The following MDGA2 variants were observed in gnomAD, a reference collection of about 807,000 sequenced individuals.
MDGA2 encodes the protein MAM domain-containing glycosylphosphatidylinositol anchor protein 2.
MDGA2 carries 40 observed loss-of-function variants against 117.8 expected under a neutral mutation model. That is an observed-to-expected ratio of 0.34 (90% CI 0.26 to 0.44). The LOEUF (loss-of-function observed/expected upper bound fraction) is 0.44. Ranked by LOEUF, MDGA2 falls within the 20% of genes least tolerant of loss-of-function variation. MDGA2 has a pLI of 1.00. For synonymous variants in MDGA2, 452 were observed against 439.0 expected (o/e 1.03, Z -0.37); for missense variants, 1,123 against 1,250.6 (o/e 0.90, Z 1.54).
At chr14:47,673,487 G>A (rs1238456849) in intron 1 of MDGA2, among the ~76,000 whole-genome samples, 1 of 152,182 alleles carries the variant, frequency 6.6e-6, no homozygotes, top group Non-Finnish European at 1.5e-5. Flanking sequence ...GACCGGCTGT[G>A]GGCGGGTCTT....
At chr14:47,329,531 G>C (rs1347423570) in intron 1 of MDGA2, among the ~76,000 whole-genome samples, 1 of 151,964 alleles carries the variant, frequency 6.6e-6, no homozygotes, top group African/African-American at 2.4e-5. Context: ...TGAGCATATC[G>C]CTTTTCTGTA....
At chr14:47,476,944 C>T (rs1317843921) in intron 1 of MDGA2, among the ~76,000 whole-genome samples, 5 of 151,902 alleles carry the variant, frequency 3.3e-5, no homozygotes, top group South Asian at 2.1e-4. Flanking sequence ...GGTGTATCAC[C>T]GGAGGTCAGG....
chr14:47,638,980 C>A (rs1897372418), intron 1 of MDGA2, among the ~76,000 whole-genome samples: 1 of 152,088 alleles, frequency 6.6e-6, no homozygotes, highest in Non-Finnish European at 1.5e-5. Flanking sequence ...ACATTAGGGT[C>A]TTGGCAGTCA....
At chr14:47,417,905 G>A (rs1168381078) in intron 1 of MDGA2, among the ~76,000 whole-genome samples, 4 of 151,880 alleles carry the variant, frequency 2.6e-5, no homozygotes, top group Admixed American at 6.6e-5. Context: ...ATAGAAGTGG[G>A]TTCTTGCTAT....
At chr14:47,072,383 G>GA (rs1156522807) in intron 6 of MDGA2, among the ~76,000 whole-genome samples, 1 of 152,170 alleles carries the variant, frequency 6.6e-6, no homozygotes, top group African/African-American at 2.4e-5. Flanking sequence ...ATTTCTTAGA[G>GA]ACTTGTTGGA....
At chr14:46,977,674 C>A (rs1886516952) in intron 8 of MDGA2, among the ~76,000 whole-genome samples, 1 of 151,810 alleles carries the variant, frequency 6.6e-6, no homozygotes, top group South Asian at 2.1e-4. Flanking sequence ...AATAGTTTGA[C>A]AAATGCAATA....
At chr14:47,317,037 AGT>A (rs1416141327) in intron 1 of MDGA2, among the ~76,000 whole-genome samples, 2 of 152,102 alleles carry the variant, frequency 1.3e-5, no homozygotes, top group Non-Finnish European at 2.9e-5. Flanking sequence ...AGTACCTTAA[AGT>A]GGTGTTTTGT....
chr14:47,553,300 G>A (rs373548390), intron 1 of MDGA2, among the ~76,000 whole-genome samples: 97 of 152,310 alleles, frequency 6.4e-4, no homozygotes, highest in Middle Eastern at 6.8e-3. Context: ...GTTCGGCACA[G>A]AATAGATGTC....
chr14:47,430,973 A>G (rs1374217071), intron 1 of MDGA2, among the ~76,000 whole-genome samples: 2 of 152,076 alleles, frequency 1.3e-5, no homozygotes, highest in Non-Finnish European at 2.9e-5. Flanking sequence ...AAAATTGTGC[A>G]TGCAGGAAGA....
intron 1 of MDGA2, among the ~76,000 whole-genome samples, chr14:47,616,285 T>C (rs1158593238): frequency 6.6e-6 from 1 of 152,190 alleles, no homozygotes; most frequent in African/African-American, 2.4e-5. Context: ...GGCAGTAAAC[T>C]CTAAATTAGC....
At chr14:46,987,869 T>G (rs541059551) in intron 8 of MDGA2, among the ~76,000 whole-genome samples, 1 of 151,226 alleles carries the variant, frequency 6.6e-6, no homozygotes, top group South Asian at 2.1e-4. Flanking sequence ...AACTGCTATA[T>G]TTAGTAGGGT....
chr14:47,456,930 T>G (rs1452279065), intron 1 of MDGA2, among the ~76,000 whole-genome samples: 2 of 151,842 alleles, frequency 1.3e-5, no homozygotes. Context: ...TCATGCTCTA[T>G]GTAGACTCTG....
At chr14:47,382,759 C>T (rs141129246) in intron 1 of MDGA2, among the ~76,000 whole-genome samples, 2 of 152,118 alleles carry the variant, frequency 1.3e-5, no homozygotes. Flanking sequence ...GTTGGTGGGA[C>T]TATAAACTAG....
chr14:46,939,996 C>T (rs1036664175), intron 9 of MDGA2, among the ~76,000 whole-genome samples: 1 of 152,170 alleles, frequency 6.6e-6, no homozygotes, highest in Non-Finnish European at 1.5e-5. Flanking sequence ...ACATCTACTT[C>T]AAGAAAGGAG....
chr14:47,020,112 A>C (rs977981079), intron 8 of MDGA2, among the ~76,000 whole-genome samples: 8 of 146,682 alleles, frequency 5.5e-5, no homozygotes, highest in African/African-American at 1.7e-4. Context: ...TTTTGGGATC[A>C]AGTGTCAACA....
chr14:46,882,313 C>A, intron 10 of MDGA2, 92 bp from the exon 11 acceptor site: 2 of 1,104,180 alleles, frequency 1.8e-6, no homozygotes, highest in Non-Finnish European at 2.6e-6. Context: ...TTTATTAAAT[C>A]AAAAAGTACG....
rs145179506 is a variant in MDGA2, at chr14:47,612,414, T to C, written c.280+62103A>G. 2.8e-3 allele frequency among the ~76,000 whole-genome samples: 432 copies of C among 152,304 alleles called. 8 individuals are homozygous for C. The highest frequency in any genetic ancestry group is 0.027 in the Admixed American group (408 of 15,298). ...AAATAATAAGTTGTTATGTTTCTAATACTTCAAAATGTTTTTTTCAAATAC... is the reference window on the plus strand; with the variant it reads ...AAATAATAAGTTGTTATGTTTCTAACACTTCAAAATGTTTTTTTCAAATAC... On this transcript the variant is annotated intron_variant, in intron 1 of 16. Coordinates refer to ENST00000399232, the MANE Select transcript of MDGA2 (RefSeq NM_001113498.3).
chr14:47,227,371 C>T (rs73249925), intron 2 of MDGA2, among the ~76,000 whole-genome samples: 6,151 of 152,202 alleles, frequency 0.04, 131 homozygotes, highest in Middle Eastern at 0.062. Context: ...ATTTACACCC[C>T]AATTTATTTG....
intron 5 of MDGA2, among the ~76,000 whole-genome samples, chr14:47,115,570 G>T (rs1391649580): frequency 6.6e-6 from 1 of 151,460 alleles, no homozygotes; most frequent in Admixed American, 6.6e-5. Context: ...TAAAAAGAGG[G>T]GAAAAGGAGA....
Sources: gnomAD v4.1 joint callset for allele counts (sites outside exome capture counted in the v4.1 genomes callset) on GRCh38, gnomAD v4.1.1 for gene constraint, MANE v1.5 for transcripts, NCBI Gene and HGNC (gene_info 2026-07-23, HGNC 2026-07-21) for gene names.